The following GPRC5A variants were observed in gnomAD, a reference collection of about 807,000 sequenced individuals.
GPRC5A encodes G protein-coupled receptor class C group 5 member A, also known as retinoic acid-induced protein 3.
Under a neutral mutation model 22.5 loss-of-function variants are expected in GPRC5A, and 19 were observed. The observed-to-expected ratio is 0.85, with a 90% CI of 0.59 to 1.24. GPRC5A has a LOEUF of 1.24. Among genes scored for constraint, GPRC5A ranks in the 50% most tolerant of loss-of-function variants. The pLI, the probability that GPRC5A is intolerant of heterozygous loss-of-function variation, is 0.00. For missense variants in GPRC5A, 471 were observed against 451.1 expected, an observed-to-expected ratio of 1.04 and a Z score of -0.40; for synonymous variants, 192 against 184.5, an observed-to-expected ratio of 1.04 and a Z score of -0.33.
chr12:12,912,561 A>G lies in GPRC5A; in HGVS notation c.*22A>G. On this transcript the variant is annotated 3_prime_UTR_variant, in exon 4 of 4. Transcript: ENST00000014914. ...CTAACTCTGTCCTGAAGAGTGGGAC[A>G]AATGCAGCCGGGCGGCAGATCTAGC... is the stretch of plus-strand genomic sequence containing the variant. The G allele has an allele frequency of 7.1e-7, 1 of 1,409,020 alleles. No individual in the cohort carries two copies. Among genetic ancestry groups the G allele is most frequent in the East Asian group, 2.3e-5 (1 of 43,998 alleles). The allele number at this position is 1,409,020 out of a possible 1,614,324, so 87.3% of individuals were successfully genotyped here. A position where few individuals can be genotyped will look rare whatever the true frequency, so the allele number is the denominator to read the frequency against.
chr12:12,905,998 G>C (rs1305886512), intron 1 of GPRC5A, among the ~76,000 whole-genome samples: 2 of 152,144 alleles, frequency 1.3e-5, no homozygotes, highest in African/African-American at 4.8e-5. Context: ...TAGGGAGAGA[G>C]AGAAAGAGAC....
At chr12:12,900,914 C>CAAAAAAAAAACA (rs1863879895) in intron 1 of GPRC5A, among the ~76,000 whole-genome samples, 4 of 89,780 alleles carry the variant, frequency 4.5e-5, no homozygotes, top group South Asian at 7.6e-4. Flanking sequence ...AAAAAAAAAA[C>CAAAAAAAAAACA]AAAAAAAAAA....
intron 1 of GPRC5A, among the ~76,000 whole-genome samples, chr12:12,892,876 C>T (rs760368844): frequency 3.3e-5 from 5 of 152,088 alleles, no homozygotes; most frequent in Non-Finnish European, 5.9e-5. Context: ...TCAGCTACTT[C>T]AGACACAATG....
intron 1 of GPRC5A, among the ~76,000 whole-genome samples, chr12:12,906,353 T>C (rs1006979884): frequency 6.6e-6 from 1 of 151,808 alleles, no homozygotes; most frequent in Admixed American, 6.6e-5. Flanking sequence ...AGAGGATTAA[T>C]TGAGCCCAGG....
intron 1 of GPRC5A, among the ~76,000 whole-genome samples, chr12:12,898,999 A>G (rs1333127316): frequency 6.6e-6 from 1 of 152,138 alleles, no homozygotes; most frequent in Non-Finnish European, 1.5e-5. Context: ...TATTCATTCC[A>G]AGGGCAGTGG....
intron 1 of GPRC5A, among the ~76,000 whole-genome samples, chr12:12,907,471 G>A (rs995573536): frequency 6.6e-6 from 1 of 151,866 alleles, no homozygotes; most frequent in Non-Finnish European, 1.5e-5. Context: ...TGAGAGAATA[G>A]GATGCTTACA....
At position 12,908,196 on chromosome 12, in the gene GPRC5A, T is replaced by A. The variant is rs1298206615; in HGVS notation, c.-7-47T>A. 4.9e-6 allele frequency: 6 copies of A among 1,235,698 alleles called. No individual in the cohort carries two copies. The African/African-American group carries it at 9.0e-5, about 19-fold the overall frequency. The allele number at this position is 1,235,698 out of a possible 1,614,324, so 76.5% of individuals were successfully genotyped here. On this transcript the variant is annotated intron_variant, in intron 1 of 3. Transcript: ENST00000014914. ...AGTCTTCTGTGTCTGAGGACTGTGTTAGGAGATTCAATACCTTCTCCCCAC... is the reference window on the plus strand; with the variant it reads ...AGTCTTCTGTGTCTGAGGACTGTGTAAGGAGATTCAATACCTTCTCCCCAC...
Position 12,902,993 on chromosome 12 carries a change from G to A in GPRC5A, c.-7-5250G>A, listed in dbSNP as rs946814839. On this transcript the variant is annotated intron_variant, in intron 1 of 3. Transcript: ENST00000014914. ...GAGGTAGGAGAACCGCTTGAACCTG[G>A]GAGGTGGAGGTTGCCGGGCGCCGAT... Among the ~76,000 whole-genome samples the A allele has an allele frequency of 2.0e-5, 3 of 152,188 alleles. No individual in the cohort carries two copies. The East Asian group carries it at 5.8e-4, about 29-fold the overall frequency.
At chr12:12,910,945 G>A (rs1863997482) in intron 2 of GPRC5A, among the ~76,000 whole-genome samples, 1 of 148,630 alleles carries the variant, frequency 6.7e-6, no homozygotes, top group Admixed American at 6.8e-5. Flanking sequence ...ATCTTGGCTC[G>A]CCACAAGCTC....
intron 1 of GPRC5A, 28 bp downstream of exon 1, chr12:12,891,692 G>C (rs1053901464): frequency 6.6e-6 from 1 of 152,216 alleles, no homozygotes; most frequent in African/African-American, 2.4e-5. Flanking sequence ...AGCCCAGAGC[G>C]CTGGGGCCTC....
intron 2 of GPRC5A, chr12:12,909,801 A>C (rs1450582238): frequency 6.6e-6 from 1 of 152,226 alleles, no homozygotes; most frequent in African/African-American, 2.4e-5. Context: ...TTGACATACA[A>C]GAATCAAATG....
Position 12,913,854 on chromosome 12 carries a change from A to T in GPRC5A, c.*1315A>T, listed in dbSNP as rs1864032200. On this transcript the variant is annotated 3_prime_UTR_variant, in exon 4 of 4. Coordinates refer to ENST00000014914, the MANE Select transcript of GPRC5A (RefSeq NM_003979.4). Reference sequence around the variant, plus strand: ...CAATGGTGTGAGAGCCAGGATCATCACGGGGCCTGAGGTTTTACTCCAGAA... The same window carrying T: ...CAATGGTGTGAGAGCCAGGATCATCTCGGGGCCTGAGGTTTTACTCCAGAA... 1 of 152,144 alleles carries T rather than the reference A, an allele frequency of 6.6e-6. No individual in the cohort carries two copies. The highest frequency in any genetic ancestry group is 1.5e-5 in the Non-Finnish European group (1 of 68,052). 9.4% of individuals were successfully genotyped at this position (152,144 alleles called of 1,614,324 possible).
At chr12:12,910,799 G>A (rs1646026788) in intron 2 of GPRC5A, among the ~76,000 whole-genome samples, 1 of 151,642 alleles carries the variant, frequency 6.6e-6, no homozygotes, top group Admixed American at 6.6e-5. Flanking sequence ...CCTGTCATAT[G>A]TTCCTTACTC....
At chr12:12,893,814 C>T (rs1434015982) in intron 1 of GPRC5A, among the ~76,000 whole-genome samples, 4 of 152,162 alleles carry the variant, frequency 2.6e-5, no homozygotes, top group Non-Finnish European at 4.4e-5. Flanking sequence ...AGCGCAGTGA[C>T]GTGATCTCGG....
Position 12,909,023 on chromosome 12 carries a change from G to A in GPRC5A, c.774G>A (p.Leu258=). 1 of 1,613,620 alleles carries A rather than the reference G, an allele frequency of 6.2e-7. No individual in the cohort carries two copies. ...ALAANGWVFL[L]AYVSPEFWLL... ...CTGCCAATGGCTGGGTGTTCCTGTTGGCTTATGTTAGTCCCGAGTTTTGGC... is the reference window on the plus strand; with the variant it reads ...CTGCCAATGGCTGGGTGTTCCTGTTAGCTTATGTTAGTCCCGAGTTTTGGC... Residue 258 remains leucine (L), a synonymous_variant, in exon 2 of 4, where the codon TTG becomes TTA. Coordinates refer to ENST00000014914, the MANE Select transcript of GPRC5A (RefSeq NM_003979.4).
At chr12:12,906,557 C>T (rs1033202650) in intron 1 of GPRC5A, among the ~76,000 whole-genome samples, 8 of 151,892 alleles carry the variant, frequency 5.3e-5, no homozygotes, top group East Asian at 1.9e-4. Context: ...AGGCTCTGTT[C>T]CCCCCATCCC....
chr12:12,909,520 C>T (rs556601895), intron 2 of GPRC5A: 5 of 196,726 alleles, frequency 2.5e-5, no homozygotes, highest in South Asian at 1.5e-4. Flanking sequence ...AAAAGGATAA[C>T]GAGACAAATT....
intron 1 of GPRC5A, among the ~76,000 whole-genome samples, chr12:12,903,761 C>G (rs569223336): frequency 1.1e-4 from 17 of 152,328 alleles, no homozygotes; most frequent in South Asian, 6.2e-4. Context: ...TGAGACTCAG[C>G]ACCCTCCTGC....
rs1173205834 is a variant in GPRC5A at position 12,916,581 on chromosome 12, C to A, written c.*4042C>A. ...TATTTATGAGCTCTTTGCTTCCTCC[C>A]TCCCACTAACTTTAAAGAATTGCTC... On this transcript the variant is annotated 3_prime_UTR_variant, in exon 4 of 4. Transcript: ENST00000014914. 1 of 152,258 alleles carries A rather than the reference C, an allele frequency of 6.6e-6. No homozygotes were observed. The highest frequency in any genetic ancestry group is 1.5e-5 in the Non-Finnish European group (1 of 68,050). The allele number at this position is 152,258 out of a possible 1,614,324, so 9.4% of individuals were successfully genotyped here.
Sources: allele counts gnomAD v4.1 joint callset (sites outside exome capture counted in the v4.1 genomes callset), GRCh38; gene constraint gnomAD v4.1.1; transcripts MANE v1.5; gene names NCBI Gene and HGNC (gene_info 2026-07-23, HGNC 2026-07-21).